BTC: variants seen among roughly 807,000 people sequenced by gnomAD.
BTC encodes the protein betacellulin, also known as probetacellulin.
A neutral mutation model predicts 18.1 loss-of-function variants in BTC; 13 were observed. That is an observed-to-expected ratio of 0.72 (90% CI 0.47 to 1.14). The LOEUF (loss-of-function observed/expected upper bound fraction) is 1.14. Among genes scored for constraint, BTC ranks in the 50% most tolerant of loss-of-function variants. The pLI is 0.00. For synonymous variants in BTC, 83 were observed against 79.4 expected (o/e 1.05, Z -0.24); for missense variants, 247 against 224.2 (o/e 1.10, Z -0.65).
At chr4:74,774,508 T>C (rs1411391747) in intron 1 of BTC, among the ~76,000 whole-genome samples, 1 of 152,072 alleles carries the variant, frequency 6.6e-6, no homozygotes, top group African/African-American at 2.4e-5. Context: ...TTTAGTACTA[T>C]CTGATTTTTT....
At chr4:74,773,325 T>A (rs572524870) in intron 1 of BTC, among the ~76,000 whole-genome samples, 27 of 152,280 alleles carry the variant, frequency 1.8e-4, no homozygotes, top group African/African-American at 6.0e-4. Context: ...CCAGAACCCA[T>A]GAGGCTTCCT....
chr4:74,750,532 G>A, intron 4 of BTC, 41 bp downstream of exon 4: 1 of 1,570,024 alleles, frequency 6.4e-7, no homozygotes, highest in Non-Finnish European at 8.6e-7. Context: ...AGCAAATACT[G>A]TTTCTCAGAT....
chr4:74,752,350 T>C (rs1008764349), intron 3 of BTC, among the ~76,000 whole-genome samples: 6 of 150,358 alleles, frequency 4.0e-5, no homozygotes, highest in African/African-American at 1.5e-4. Context: ...CTGTCATACA[T>C]AAGACCAAAA....
intron 1 of BTC, among the ~76,000 whole-genome samples, chr4:74,785,198 C>T (rs888580025): frequency 2.6e-5 from 4 of 152,026 alleles, no homozygotes; most frequent in Non-Finnish European, 5.9e-5. Context: ...CTTAGATTTC[C>T]TAGTTTATGT....
At chr4:74,790,830 CA>C (rs1725604452) in intron 1 of BTC, among the ~76,000 whole-genome samples, 1 of 152,094 alleles carries the variant, frequency 6.6e-6, no homozygotes, top group African/African-American at 2.4e-5. Flanking sequence ...TTCCTGGAAG[CA>C]AGGAAGAGCC....
In BTC at chr4:74,755,853, A is replaced by G; in HGVS notation, c.281+6T>C. ...TTTGCTTGCTGGCTGAGGACACTCC[A>G]CTTACACACAGGAGGGCGTCTGCTC... On this transcript the variant is annotated splice_donor_region_variant and intron_variant, in intron 3 of 5. Coordinates refer to ENST00000395743, the MANE Select transcript of BTC (RefSeq NM_001729.4). 6.2e-7 allele frequency: 1 copy of G among 1,613,476 alleles called. No individual in the cohort carries two copies. Among genetic ancestry groups the G allele is most frequent in the Non-Finnish European group, 8.5e-7 (1 of 1,179,538 alleles).
intron 2 of BTC, among the ~76,000 whole-genome samples, chr4:74,758,172 G>T (rs1347078017): frequency 6.6e-6 from 1 of 152,334 alleles, no homozygotes; most frequent in Non-Finnish European, 1.5e-5. Context: ...GTGGGAGGCA[G>T]ATTTCACTGG....
At chr4:74,774,392 C>T (rs974376429) in intron 1 of BTC, among the ~76,000 whole-genome samples, 4 of 152,092 alleles carry the variant, frequency 2.6e-5, no homozygotes, top group Non-Finnish European at 5.9e-5. Flanking sequence ...GAAATTATTG[C>T]AGTAAACATT....
chr4:74,752,668 C>G (rs182451683), intron 3 of BTC, among the ~76,000 whole-genome samples: 2 of 151,892 alleles, frequency 1.3e-5, no homozygotes. Flanking sequence ...CGTGAGCCAC[C>G]GTGACTGGCC....
intron 1 of BTC, among the ~76,000 whole-genome samples, chr4:74,790,495 A>T (rs1725594590): frequency 6.6e-6 from 1 of 152,170 alleles, no homozygotes; most frequent in Admixed American, 6.5e-5. Context: ...AGGCTTGACC[A>T]CTACATGACC....
At chr4:74,750,517 C>A in intron 4 of BTC, 56 bp downstream of exon 4, 9 of 1,505,916 alleles carry the variant, frequency 6.0e-6, no homozygotes, top group South Asian at 4.0e-5. Context: ...AGAAGAAAAA[C>A]TATGAGCAAA....
intron 5 of BTC, among the ~76,000 whole-genome samples, chr4:74,747,693 G>T (rs1553955608): frequency 6.6e-6 from 1 of 152,136 alleles, no homozygotes; most frequent in Non-Finnish European, 1.5e-5. Flanking sequence ...TGTGGTAAAT[G>T]CTCAATATAT....
chr4:74,790,521 C>G (rs1246801428), intron 1 of BTC, among the ~76,000 whole-genome samples: 2 of 152,152 alleles, frequency 1.3e-5, no homozygotes, highest in African/African-American at 4.8e-5. Flanking sequence ...TCAAGATATG[C>G]TCTTTTTACC....
chr4:74,761,154 T>C (rs1196713554), intron 2 of BTC, among the ~76,000 whole-genome samples: 4 of 152,050 alleles, frequency 2.6e-5, no homozygotes, highest in East Asian at 1.9e-4. Flanking sequence ...AGAATCAATA[T>C]TGAAGCATGG....
intron 1 of BTC, among the ~76,000 whole-genome samples, chr4:74,787,623 A>G (rs561249221): frequency 6.6e-6 from 1 of 152,320 alleles, no homozygotes; most frequent in Non-Finnish European, 1.5e-5. Flanking sequence ...CAGATCCAGT[A>G]TCAGCTGGGG....
intron 1 of BTC, among the ~76,000 whole-genome samples, chr4:74,772,045 T>C (rs573113031): frequency 2.6e-4 from 40 of 152,298 alleles, no homozygotes; most frequent in African/African-American, 7.7e-4. Flanking sequence ...AATAATAATA[T>C]AGCGTGATCT....
chr4:74,779,183 A>G (rs1725254549), intron 1 of BTC, among the ~76,000 whole-genome samples: 1 of 152,198 alleles, frequency 6.6e-6, no homozygotes, highest in Non-Finnish European at 1.5e-5. Flanking sequence ...GGAAAGGCTA[A>G]AACTGATTGA....
chr4:74,794,144 C>G, intron 1 of BTC, 118 bp downstream of exon 1: 2 of 1,331,762 alleles, frequency 1.5e-6, no homozygotes, highest in Non-Finnish European at 2.1e-6. Context: ...CCAACCCGCG[C>G]CTGCCAGCCC....
At chr4:74,766,925 A>T (rs1724916283) in intron 2 of BTC, among the ~76,000 whole-genome samples, 1 of 152,012 alleles carries the variant, frequency 6.6e-6, no homozygotes, top group Non-Finnish European at 1.5e-5. Context: ...AAATTACCCC[A>T]AAATAATAGG....
Sources: gnomAD v4.1 joint callset for allele counts (sites outside exome capture counted in the v4.1 genomes callset) on GRCh38, gnomAD v4.1.1 for gene constraint, MANE v1.5 for transcripts, NCBI Gene and HGNC (gene_info 2026-07-23, HGNC 2026-07-21) for gene names.